Variants in PAK5 observed in about 807,000 individuals in gnomAD.
The protein encoded by PAK5 is serine/threonine-protein kinase PAK 5.
PAK5 carries 16 observed loss-of-function variants against 65.9 expected under a neutral mutation model. The ratio of observed to expected loss-of-function variants is 0.24; its 90% CI spans 0.16 to 0.37. PAK5 has a LOEUF of 0.37. Ranked by LOEUF, PAK5 falls within the 10% of genes least tolerant of loss-of-function variation. PAK5 has a pLI of 1.00. For synonymous variants in PAK5, 371 were observed against 354.9 expected (o/e 1.05, Z -0.51); for missense variants, 785 against 903.9 (o/e 0.87, Z 1.69).
intron 1 of PAK5, among the ~76,000 whole-genome samples, chr20:9,820,409 T>C (rs1300340803): frequency 6.6e-6 from 1 of 152,218 alleles, no homozygotes; most frequent in Non-Finnish European, 1.5e-5. Context: ...TTGTTTTTAC[T>C]CACTGTGTCC....
intron 1 of PAK5, among the ~76,000 whole-genome samples, chr20:9,740,140 A>G (rs1423905432): frequency 6.6e-6 from 1 of 152,190 alleles, no homozygotes; most frequent in Non-Finnish European, 1.5e-5. Flanking sequence ...CGGAGCCACT[A>G]CTGGACTTTA....
At chr20:9,568,477 T>G (rs892182199) in intron 4 of PAK5, among the ~76,000 whole-genome samples, 1 of 152,144 alleles carries the variant, frequency 6.6e-6, no homozygotes, top group Non-Finnish European at 1.5e-5. Flanking sequence ...TTGTGGGGTG[T>G]GATAATCAGC....
intron 2 of PAK5, among the ~76,000 whole-genome samples, chr20:9,697,954 T>G (rs539556491): frequency 6.6e-6 from 1 of 152,172 alleles, no homozygotes; most frequent in African/African-American, 2.4e-5. Context: ...CAATAAAATG[T>G]TGACATGGGC....
At chr20:9,583,201 GTATCTA>G (rs1320905471) in intron 3 of PAK5, among the ~76,000 whole-genome samples, 7 of 152,130 alleles carry the variant, frequency 4.6e-5, no homozygotes, top group Non-Finnish European at 8.8e-5. Context: ...CCATCCATCT[GTATCTA>G]TATTAACCTA....
chr20:9,812,032 G>T (rs1051411599), intron 1 of PAK5, among the ~76,000 whole-genome samples: 1 of 152,084 alleles, frequency 6.6e-6, no homozygotes, highest in Non-Finnish European at 1.5e-5. Context: ...TAGGGGTAAT[G>T]GGGTTGCTCA....
intron 1 of PAK5, among the ~76,000 whole-genome samples, chr20:9,777,106 C>T (rs1321597389): frequency 6.6e-6 from 1 of 152,104 alleles, no homozygotes; most frequent in Non-Finnish European, 1.5e-5. Flanking sequence ...CCCTGTAGTT[C>T]CAGCCACTCA....
intron 1 of PAK5, among the ~76,000 whole-genome samples, chr20:9,836,007 A>G (rs562548382): frequency 6.6e-6 from 1 of 152,342 alleles, no homozygotes; most frequent in South Asian, 2.1e-4. Flanking sequence ...GAGATACTCT[A>G]GAAGATCCAG....
At chr20:9,640,059 A>T (rs186646898) in intron 3 of PAK5, among the ~76,000 whole-genome samples, 1,713 of 151,652 alleles carry the variant, frequency 0.011, 40 homozygotes, top group African/African-American at 0.039. Flanking sequence ...AATGTTTATT[A>T]TTTTTTTTTA....
chr20:9,710,006 T>G (rs2048059122), intron 2 of PAK5, among the ~76,000 whole-genome samples: 1 of 152,232 alleles, frequency 6.6e-6, no homozygotes, highest in Non-Finnish European at 1.5e-5. Context: ...TCTCATCTTT[T>G]TAAAGCACCA....
chr20:9,644,459 T>A (rs147232203), intron 2 of PAK5, 120 bp from the exon 3 acceptor site: 85 of 651,354 alleles, frequency 1.3e-4, no homozygotes, highest in African/African-American at 6.4e-4. Flanking sequence ...AGATCCCAGC[T>A]GCAAAAGATA....
At chr20:9,821,700 G>A (rs950946645) in intron 1 of PAK5, among the ~76,000 whole-genome samples, 6 of 152,168 alleles carry the variant, frequency 3.9e-5, no homozygotes, top group Admixed American at 3.9e-4. Flanking sequence ...TTATCACTCA[G>A]TTAAAATTCA....
intron 2 of PAK5, among the ~76,000 whole-genome samples, chr20:9,656,607 A>G (rs1469252354): frequency 1.3e-5 from 2 of 152,350 alleles, no homozygotes; most frequent in African/African-American, 4.8e-5. Context: ...AGTGAAGTCT[A>G]GAGTCAGTCT....
chr20:9,564,923 T>C (rs2045650202), intron 5 of PAK5, among the ~76,000 whole-genome samples: 1 of 151,676 alleles, frequency 6.6e-6, no homozygotes, highest in South Asian at 2.1e-4. Flanking sequence ...TGCTGATATA[T>C]TTTATTTAAT....
At chr20:9,828,438 C>T (rs1000326908) in intron 1 of PAK5, among the ~76,000 whole-genome samples, 2 of 152,114 alleles carry the variant, frequency 1.3e-5, no homozygotes, top group African/African-American at 2.4e-5. Context: ...CCCCCTCCTC[C>T]GTCAGTGTTT....
At chr20:9,733,393 CTTTCTT>C (rs1569064234) in intron 1 of PAK5, among the ~76,000 whole-genome samples, 3 of 40,100 alleles carry the variant, frequency 7.5e-5, no homozygotes, top group East Asian at 1.2e-3. Context: ...ATCTCTCTTT[CTTTCTT>C]TCTTTCTTTC....
At chr20:9,672,809 T>C (rs1484996077) in intron 2 of PAK5, among the ~76,000 whole-genome samples, 1 of 152,204 alleles carries the variant, frequency 6.6e-6, no homozygotes, top group Non-Finnish European at 1.5e-5. Context: ...TTTGCCCACA[T>C]ATACAGATAG....
chr20:9,661,023 C>T (rs1480854135), intron 2 of PAK5, among the ~76,000 whole-genome samples: 2 of 152,078 alleles, frequency 1.3e-5, no homozygotes, highest in Non-Finnish European at 2.9e-5. Flanking sequence ...GAGACTCAGC[C>T]ATCCATTTTG....
chr20:9,670,842 C>G (rs1335487264), intron 2 of PAK5, among the ~76,000 whole-genome samples: 1 of 152,146 alleles, frequency 6.6e-6, no homozygotes, highest in Non-Finnish European at 1.5e-5. Context: ...ACATGAAGTC[C>G]TTGCCCATGC....
intron 3 of PAK5, among the ~76,000 whole-genome samples, chr20:9,601,223 C>A (rs929728179): frequency 3.9e-5 from 6 of 152,108 alleles, no homozygotes; most frequent in African/African-American, 1.4e-4. Flanking sequence ...ATTCACATTG[C>A]CTTAATTTCA....
Sources: allele counts gnomAD v4.1 joint callset (sites outside exome capture counted in the v4.1 genomes callset), GRCh38; gene constraint gnomAD v4.1.1; transcripts MANE v1.5; gene names NCBI Gene and HGNC (gene_info 2026-07-23, HGNC 2026-07-21).